The following PLCB4 variants were observed in gnomAD, a reference collection of about 807,000 sequenced individuals.
PLCB4 encodes phospholipase C beta 4, also known as 1-phosphatidylinositol 4,5-bisphosphate phosphodiesterase beta-4.
In PLCB4, 77 loss-of-function variants were observed where a neutral mutation model predicts 178.8. The ratio of observed to expected loss-of-function variants is 0.43; its 90% CI spans 0.36 to 0.52. The LOEUF is 0.52. Among genes scored for constraint, PLCB4 ranks in the 20% least tolerant of loss-of-function variants. The pLI is 0.00. For synonymous variants in PLCB4, 496 were observed against 490.8 expected (o/e 1.01, Z -0.14); for missense variants, 1,024 against 1,453.4 (o/e 0.70, Z 4.80).
chr20:9,349,527 C>T (rs34559756), intron 7 of PLCB4, among the ~76,000 whole-genome samples: 28,170 of 152,160 alleles, frequency 0.19, 3,204 homozygotes, highest in Non-Finnish European at 0.26. Context: ...AGAAATCATC[C>T]AGCCTCCTTC....
chr20:9,446,827 G>A (rs776280823), intron 32 of PLCB4, among the ~76,000 whole-genome samples: 31 of 152,214 alleles, frequency 2.0e-4, no homozygotes, highest in Admixed American at 3.3e-4. Context: ...GTTGCAGTGA[G>A]CTGAGATTGT....
intron 7 of PLCB4, among the ~76,000 whole-genome samples, chr20:9,348,044 A>C (rs530990219): frequency 6.6e-6 from 1 of 152,202 alleles, no homozygotes; most frequent in Non-Finnish European, 1.5e-5. Flanking sequence ...CCAGGAGCCA[A>C]GGATGGTCCA....
rs140577995 is a variant in PLCB4, at chr20:9,273,443, G to A, written c.-15-34357G>A. 5.3e-5 allele frequency among the ~76,000 whole-genome samples: 8 copies of A among 152,134 alleles called. No individual in the cohort carries two copies. In the East Asian group the frequency reaches 1.6e-3, roughly 29 times the overall value. ...AGGCATGCCTGCTATTTGAATTTTT[G>A]CAGTCTGACTCCAGAGCCCATACTT... On this transcript the variant is annotated intron_variant, in intron 3 of 39. Transcript: ENST00000378473.
At chr20:9,171,115 C>T (rs916664363) in intron 2 of PLCB4, among the ~76,000 whole-genome samples, 7 of 152,050 alleles carry the variant, frequency 4.6e-5, no homozygotes, top group Non-Finnish European at 1.0e-4. Context: ...TTATTCACAC[C>T]TTGACATAGT....
chr20:9,230,711 A>C (rs1186973102), intron 3 of PLCB4, among the ~76,000 whole-genome samples: 1 of 152,052 alleles, frequency 6.6e-6, no homozygotes, highest in Non-Finnish European at 1.5e-5. Flanking sequence ...TGGGTGGTGT[A>C]GGGTGGTCTT....
chr20:9,200,950 A>G (rs2093536611), intron 2 of PLCB4, among the ~76,000 whole-genome samples: 1 of 152,236 alleles, frequency 6.6e-6, no homozygotes, highest in African/African-American at 2.4e-5. Context: ...TTCCTGTTCC[A>G]TCTATGGGAA....
intron 2 of PLCB4, among the ~76,000 whole-genome samples, chr20:9,190,717 A>G (rs2093391393): frequency 6.6e-6 from 1 of 152,188 alleles, no homozygotes; most frequent in African/African-American, 2.4e-5. Context: ...GCAGGCAAGG[A>G]GCAGGTTCCT....
chr20:9,255,211 T>C (rs544713532), intron 3 of PLCB4, among the ~76,000 whole-genome samples: 2 of 152,362 alleles, frequency 1.3e-5, no homozygotes, highest in East Asian at 3.9e-4. Flanking sequence ...TACTTTTGTT[T>C]CATTTGACAG....
At position 9,338,082 on chromosome 20, in the gene PLCB4, T is replaced by C; in HGVS notation, c.225+15T>C. On this transcript the variant is annotated intron_variant, in intron 6 of 39. Coordinates refer to ENST00000378473, the MANE Select transcript of PLCB4 (RefSeq NM_001377142.1). Reference sequence around the variant, plus strand: ...CCATACCAAAGGTACCTGTGATTGGTATTTGCTTTTCTAAACACGGATTTA... The same window carrying C: ...CCATACCAAAGGTACCTGTGATTGGCATTTGCTTTTCTAAACACGGATTTA... 1 of 1,581,108 alleles carries C rather than the reference T, an allele frequency of 6.3e-7. No homozygotes were observed. Among genetic ancestry groups the C allele is most frequent in the Non-Finnish European group, 8.7e-7 (1 of 1,150,288 alleles).
chr20:9,405,309 T>C lies in PLCB4; in HGVS notation c.1612-4T>C. The stretch of plus-strand genomic sequence containing the variant: ...TAAACAAATTATTTCCTTTCTCTAA[T>C]TAGGCTTCAGATGACCTTGAACATG... On this transcript the variant is annotated splice_region_variant and splice_polypyrimidine_tract_variant and intron_variant, in intron 20 of 39. Transcript: ENST00000378473. 1 of 1,530,418 alleles carries C rather than the reference T, an allele frequency of 6.5e-7. No homozygotes were observed. The highest frequency in any genetic ancestry group is 2.3e-5 in the East Asian group (1 of 42,936). The allele number at this position is 1,530,418 out of a possible 1,614,324, so 94.8% of individuals were successfully genotyped here. A position where few individuals can be genotyped will look rare whatever the true frequency, so the allele number is the denominator to read the frequency against.
chr20:9,129,610 ACT>A (rs2092222239), intron 2 of PLCB4, among the ~76,000 whole-genome samples: 1 of 152,068 alleles, frequency 6.6e-6, no homozygotes, highest in East Asian at 1.9e-4. Context: ...ACCCAGGGAT[ACT>A]CTCTTTTTGG....
At chr20:9,157,571 G>A (rs1188387974) in intron 2 of PLCB4, among the ~76,000 whole-genome samples, 1 of 151,944 alleles carries the variant, frequency 6.6e-6, no homozygotes, top group Non-Finnish European at 1.5e-5. Context: ...TCATTCCTGG[G>A]GAGTCACATG....
chr20:9,222,321 G>T (rs2093810004), intron 3 of PLCB4, among the ~76,000 whole-genome samples: 1 of 151,968 alleles, frequency 6.6e-6, no homozygotes. Flanking sequence ...TGGAGTTCCT[G>T]ACCTCAAGTG....
intron 3 of PLCB4, among the ~76,000 whole-genome samples, chr20:9,270,267 C>T (rs187233228): frequency 6.6e-4 from 100 of 152,226 alleles, no homozygotes; most frequent in Admixed American, 1.7e-3. Context: ...CATGTTATCA[C>T]TGTCATAATA....
chr20:9,192,229 T>C (rs745965277), intron 2 of PLCB4, among the ~76,000 whole-genome samples: 10 of 152,314 alleles, frequency 6.6e-5, no homozygotes, highest in Non-Finnish European at 1.0e-4. Context: ...TTTGAGGTGA[T>C]ATGAGCCGAA....
intron 3 of PLCB4, among the ~76,000 whole-genome samples, chr20:9,305,497 T>C (rs1222557564): frequency 2.0e-5 from 3 of 152,116 alleles, no homozygotes; most frequent in African/African-American, 7.2e-5. Context: ...TGATATAATC[T>C]AGGATTTGGG....
At chr20:9,354,161 A>G (rs2034580972) in intron 7 of PLCB4, among the ~76,000 whole-genome samples, 1 of 152,206 alleles carries the variant, frequency 6.6e-6, no homozygotes, top group East Asian at 1.9e-4. Context: ...TGTTGCCTGT[A>G]ACTTTCTTTC....
chr20:9,444,868 T>A (rs773114106), intron 32 of PLCB4, among the ~76,000 whole-genome samples: 5 of 152,148 alleles, frequency 3.3e-5, no homozygotes, highest in Non-Finnish European at 7.4e-5. Context: ...CACTGTCACA[T>A]AGTTTGCCAT....
intron 18 of PLCB4, among the ~76,000 whole-genome samples, chr20:9,394,610 T>C (rs2038419101): frequency 1.3e-5 from 2 of 152,212 alleles, no homozygotes; most frequent in African/African-American, 4.8e-5. Flanking sequence ...TATGCATTTA[T>C]TATAGCATGA....
Sources: gnomAD v4.1 joint callset for allele counts (sites outside exome capture counted in the v4.1 genomes callset) on GRCh38, gnomAD v4.1.1 for gene constraint, MANE v1.5 for transcripts, NCBI Gene and HGNC (gene_info 2026-07-23, HGNC 2026-07-21) for gene names.